PTPRA: variants seen among roughly 807,000 people sequenced by gnomAD.
The protein encoded by PTPRA is protein tyrosine phosphatase receptor type A.
PTPRA carries 25 observed loss-of-function variants against 104.8 expected under a neutral mutation model. That is an observed-to-expected ratio of 0.24 (90% CI 0.17 to 0.33). The LOEUF (loss-of-function observed/expected upper bound fraction) is 0.33, where lower values mean the gene tolerates loss of function less well. Among genes scored for constraint, PTPRA ranks in the 10% least tolerant of loss-of-function variants. The pLI is 1.00. For missense variants in PTPRA, 765 were observed against 1,015.3 expected (o/e 0.75, Z 3.35); for synonymous variants, 323 against 368.9 (o/e 0.88, Z 1.43).
At chr20:3,010,881 G>A (rs2064140173) in intron 11 of PTPRA, among the ~76,000 whole-genome samples, 1 of 152,216 alleles carries the variant, frequency 6.6e-6, no homozygotes. Flanking sequence ...TTCCAAGCCA[G>A]TGAAAGGTTA....
chr20:3,005,303 C>A (rs113574767), intron 10 of PTPRA, among the ~76,000 whole-genome samples, 157 bp downstream of exon 10: 4,644 of 152,266 alleles, frequency 0.03, 97 homozygotes, highest in Non-Finnish European at 0.047. Flanking sequence ...AATCCCAGAA[C>A]TTTGGAAGGC....
chr20:2,966,595 T>A (rs1422806161), intron 5 of PTPRA, among the ~76,000 whole-genome samples: 1 of 152,224 alleles, frequency 6.6e-6, no homozygotes, highest in Non-Finnish European at 1.5e-5. Context: ...GCTTTGTGCT[T>A]TAGAGTTAAT....
intron 1 of PTPRA, among the ~76,000 whole-genome samples, chr20:2,888,629 A>G (rs2058686485): frequency 6.6e-6 from 1 of 152,072 alleles, no homozygotes; most frequent in Non-Finnish European, 1.5e-5. Flanking sequence ...AAAATTATGT[A>G]TATATTTGAA....
At chr20:2,955,575 G>A (rs953501232) in intron 3 of PTPRA, 54 of 940,188 alleles carry the variant, frequency 5.7e-5, no homozygotes, top group Non-Finnish European at 6.5e-5. Context: ...CTCAAGAGAA[G>A]ACATATAATG....
At chr20:2,897,677 C>T (rs1327714401) in intron 1 of PTPRA, among the ~76,000 whole-genome samples, 3 of 152,038 alleles carry the variant, frequency 2.0e-5, no homozygotes, top group South Asian at 2.1e-4. Flanking sequence ...CTTGAGCCAC[C>T]GTGCCCAGCC....
chr20:2,894,248 T>G (rs537153347), intron 1 of PTPRA, among the ~76,000 whole-genome samples: 1 of 152,324 alleles, frequency 6.6e-6, no homozygotes, highest in South Asian at 2.1e-4. Context: ...ACCAGAAACT[T>G]TCAGCCTCTA....
chr20:2,955,684 C>T (rs1042862584), intron 3 of PTPRA: 11 of 984,674 alleles, frequency 1.1e-5, no homozygotes, highest in Non-Finnish European at 1.3e-5. Context: ...GTTCCTACTC[C>T]ACCCTCCCCT....
rs148052721 is a variant in PTPRA at position 3,033,049 on chromosome 20, C to T, written c.1921-2536C>T. The stretch of plus-strand genomic sequence containing the variant: ...TGTTATTTCTTTGTGACCTCCTCCT[C>T]TAAAACATTGGAGTATACTAGACTC... On this transcript the variant is annotated intron_variant, in intron 20 of 23. Coordinates refer to ENST00000399903, the MANE Select transcript of PTPRA (RefSeq NM_001385305.1). Among the ~76,000 whole-genome samples, 3 of 152,066 alleles carry T rather than the reference C, an allele frequency of 2.0e-5. No homozygotes were observed. In the East Asian group the frequency reaches 5.8e-4, roughly 29 times the overall value.
intron 2 of PTPRA, among the ~76,000 whole-genome samples, chr20:2,943,468 G>A (rs910638719): frequency 5.3e-5 from 8 of 152,000 alleles, no homozygotes; most frequent in Non-Finnish European, 1.2e-4. Context: ...TATGGATGAA[G>A]CCCACCTACA....
intron 1 of PTPRA, among the ~76,000 whole-genome samples, chr20:2,901,455 A>G (rs2059234822): frequency 6.6e-6 from 1 of 152,176 alleles, no homozygotes; most frequent in Non-Finnish European, 1.5e-5. Context: ...TATTGATGGC[A>G]GGAAGTATAT....
chr20:2,867,280 G>C, the PTPRA span, among the ~76,000 whole-genome samples: 1 of 152,212 alleles, frequency 6.6e-6, no homozygotes, highest in African/African-American at 2.4e-5. Context: ...TGTGTGGCCT[G>C]CGGGCCATAG....
chr20:3,024,668 A>C, intron 17 of PTPRA, 47 bp downstream of exon 17: 4 of 1,605,464 alleles, frequency 2.5e-6, no homozygotes, highest in Non-Finnish European at 3.4e-6. Context: ...GATCCTTGTA[A>C]TCTGGGGAAC....
At chr20:2,877,368 T>A (rs547489805) in intron 1 of PTPRA, among the ~76,000 whole-genome samples, 1 of 152,328 alleles carries the variant, frequency 6.6e-6, no homozygotes, top group African/African-American at 2.4e-5. Context: ...CAAGCGATTC[T>A]CCTGCCTCAG....
At chr20:2,872,585 C>G (rs1294636929), upstream of PTPRA, among the ~76,000 whole-genome samples, 1 of 152,264 alleles carries the variant, frequency 6.6e-6, no homozygotes, top group Non-Finnish European at 1.5e-5. This position sits in a 1 kb window ranked among gnomAD's most constrained non-coding sequence, Gnocchi z 7.9. Flanking sequence ...TTGCCACCAC[C>G]TATCTCGACT....
intron 5 of PTPRA, among the ~76,000 whole-genome samples, chr20:2,970,564 C>T (rs2062143969): frequency 6.6e-6 from 1 of 152,094 alleles, no homozygotes; most frequent in African/African-American, 2.4e-5. Context: ...TTTCCTGACT[C>T]GTTTGTAGAT....
upstream of PTPRA, among the ~76,000 whole-genome samples, chr20:2,870,021 C>G (rs1020968179): frequency 4.6e-5 from 7 of 151,374 alleles, no homozygotes; most frequent in Admixed American, 4.0e-4. Context: ...AACTCACCTT[C>G]TCAGGGTAAG....
chr20:2,938,756 A>T (rs1349895292), intron 2 of PTPRA, among the ~76,000 whole-genome samples: 1 of 152,156 alleles, frequency 6.6e-6, no homozygotes, highest in Non-Finnish European at 1.5e-5. Flanking sequence ...TTTTATTTTT[A>T]AAAATTCCAT....
chr20:2,975,279 C>T, intron 6 of PTPRA, 38 bp downstream of exon 6: 1 of 1,535,366 alleles, frequency 6.5e-7, no homozygotes, highest in Non-Finnish European at 8.9e-7. Context: ...TCCTTTTACA[C>T]AGTGTACAGT....
chr20:2,908,969 CTG>C (rs771245411), intron 1 of PTPRA, among the ~76,000 whole-genome samples: 3 of 152,094 alleles, frequency 2.0e-5, no homozygotes, highest in Non-Finnish European at 4.4e-5. Flanking sequence ...AACTTTGTGA[CTG>C]TGATTTGTGG....
Sources: gnomAD v4.1 joint callset for allele counts (sites outside exome capture counted in the v4.1 genomes callset) on GRCh38, gnomAD v4.1.1 for gene constraint, Gnocchi (gnomAD v3.1) non-coding constraint, MANE v1.5 for transcripts, NCBI Gene and HGNC (gene_info 2026-07-23, HGNC 2026-07-21) for gene names.